The following GRXCR1 variants were observed in gnomAD, a reference collection of about 807,000 sequenced individuals.
GRXCR1 encodes glutaredoxin and cysteine rich domain containing 1.
In GRXCR1, 27 loss-of-function variants were observed where a neutral mutation model predicts 27.3. The observed-to-expected ratio is 0.99, with a 90% CI of 0.73 to 1.37. The LOEUF is 1.37. Ranked by LOEUF, GRXCR1 falls within the 40% of genes most tolerant of loss-of-function variation. GRXCR1 has a pLI of 0.00. For synonymous variants in GRXCR1, 122 were observed against 131.1 expected (o/e 0.93, Z 0.47); for missense variants, 379 against 354.4 (o/e 1.07, Z -0.56).
chr4:42,972,126 A>C (rs773964522), intron 2 of GRXCR1, among the ~76,000 whole-genome samples: 1 of 152,130 alleles, frequency 6.6e-6, no homozygotes, highest in Non-Finnish European at 1.5e-5. Context: ...TGAGCATTTT[A>C]TTTAGCAATG....
chr4:42,918,513 T>A (rs1019533042), intron 1 of GRXCR1, among the ~76,000 whole-genome samples: 1 of 152,114 alleles, frequency 6.6e-6, no homozygotes, highest in African/African-American at 2.4e-5. Flanking sequence ...CTGCTGAACA[T>A]GAGTGCTCCC....
At chr4:42,943,267 T>C (rs1747664663) in intron 1 of GRXCR1, among the ~76,000 whole-genome samples, 1 of 152,146 alleles carries the variant, frequency 6.6e-6, no homozygotes, top group Non-Finnish European at 1.5e-5. Flanking sequence ...TTATTTTGTT[T>C]ATCCTTGAAA....
At chr4:42,946,226 TTA>T (rs1412004583) in intron 1 of GRXCR1, among the ~76,000 whole-genome samples, 2 of 152,160 alleles carry the variant, frequency 1.3e-5, no homozygotes, top group East Asian at 3.9e-4. Flanking sequence ...GTCATCATCG[TTA>T]TGTTAAAAAT....
intron 2 of GRXCR1, among the ~76,000 whole-genome samples, chr4:42,988,855 G>A (rs183707991): frequency 2.0e-5 from 3 of 152,154 alleles, no homozygotes; most frequent in Non-Finnish European, 4.4e-5. Flanking sequence ...ATTATCAGAG[G>A]ATAAGAAGAT....
At chr4:42,973,986 C>T (rs1577927100) in intron 2 of GRXCR1, among the ~76,000 whole-genome samples, 1 of 152,094 alleles carries the variant, frequency 6.6e-6, no homozygotes, top group Admixed American at 6.6e-5. Context: ...GCTATCTGCA[C>T]AACAATGTAC....
chr4:42,905,953 T>A (rs536940985), intron 1 of GRXCR1, among the ~76,000 whole-genome samples: 1 of 152,290 alleles, frequency 6.6e-6, no homozygotes, highest in Admixed American at 6.5e-5. Flanking sequence ...ATATTAATTT[T>A]TCTTGTATGT....
chr4:43,011,654 G>A (rs1035337054), intron 2 of GRXCR1, among the ~76,000 whole-genome samples: 1 of 152,066 alleles, frequency 6.6e-6, no homozygotes, highest in Non-Finnish European at 1.5e-5. Context: ...TTTCTGCTAG[G>A]ATCCTAAAAG....
At chr4:42,995,524 C>A (rs1425282725) in intron 2 of GRXCR1, among the ~76,000 whole-genome samples, 1 of 152,132 alleles carries the variant, frequency 6.6e-6, no homozygotes, top group Non-Finnish European at 1.5e-5. Context: ...GTGTACCAAC[C>A]ACTAGGAGTC....
At chr4:42,978,916 G>A (rs545630832) in intron 2 of GRXCR1, among the ~76,000 whole-genome samples, 8 of 152,058 alleles carry the variant, frequency 5.3e-5, no homozygotes, top group East Asian at 1.9e-4. Context: ...GAGTTCTCAC[G>A]AGATCTGATG....
chr4:43,011,298 A>G (rs1041523676), intron 2 of GRXCR1, among the ~76,000 whole-genome samples: 3 of 152,182 alleles, frequency 2.0e-5, no homozygotes, highest in African/African-American at 7.2e-5. Context: ...TATAGACTGA[A>G]TCACACAAGG....
At chr4:43,010,510 T>C (rs988106609) in intron 2 of GRXCR1, among the ~76,000 whole-genome samples, 1 of 152,116 alleles carries the variant, frequency 6.6e-6, no homozygotes, top group Non-Finnish European at 1.5e-5. Context: ...AATGGGAGGC[T>C]GAGAAATATC....
chr4:42,901,977 G>A (rs760795807), intron 1 of GRXCR1, among the ~76,000 whole-genome samples: 3 of 152,144 alleles, frequency 2.0e-5, no homozygotes, highest in Non-Finnish European at 4.4e-5. Flanking sequence ...ACATTATAAT[G>A]CTGTTTTGTG....
intron 2 of GRXCR1, among the ~76,000 whole-genome samples, chr4:42,987,971 G>T (rs1252322581): frequency 2.0e-5 from 3 of 152,122 alleles, no homozygotes; most frequent in Admixed American, 2.0e-4. Context: ...TCTCCTAAGG[G>T]CAGGAGAATC....
intron 1 of GRXCR1, among the ~76,000 whole-genome samples, chr4:42,936,908 C>T (rs1053565697): frequency 5.9e-5 from 9 of 151,864 alleles, no homozygotes; most frequent in African/African-American, 2.2e-4. Context: ...TGAAGTTAAA[C>T]TTGATCCCTG....
At chr4:42,967,234 T>C (rs370422370) in intron 2 of GRXCR1, among the ~76,000 whole-genome samples, 1 of 152,132 alleles carries the variant, frequency 6.6e-6, no homozygotes, top group Non-Finnish European at 1.5e-5. Context: ...GAATAATGTT[T>C]GTGTCTAGAT....
intron 2 of GRXCR1, among the ~76,000 whole-genome samples, chr4:42,981,148 G>A (rs1748656072): frequency 7.9e-6 from 1 of 126,328 alleles, no homozygotes; most frequent in Admixed American, 7.5e-5. Context: ...ATTTTCTGTA[G>A]TGGTATTTTT....
At chr4:43,012,606 T>C (rs1249128207) in intron 2 of GRXCR1, among the ~76,000 whole-genome samples, 1 of 152,180 alleles carries the variant, frequency 6.6e-6, no homozygotes. Context: ...ATATTATGTG[T>C]CATGCAACGT....
chr4:43,024,197 CTT>C (rs60704333), intron 3 of GRXCR1, among the ~76,000 whole-genome samples: 3 of 94,238 alleles, frequency 3.2e-5, no homozygotes, highest in Non-Finnish European at 3.9e-5. Flanking sequence ...ATTTTCTGTC[CTT>C]TTTTTTTTTT....
intron 2 of GRXCR1, among the ~76,000 whole-genome samples, chr4:43,009,333 A>G (rs564773257): frequency 1.1e-4 from 16 of 152,328 alleles, no homozygotes; most frequent in Non-Finnish European, 2.2e-4. Flanking sequence ...ACTTCTTTTC[A>G]TAAACATTGT....
Sources: gnomAD v4.1 joint callset for allele counts (sites outside exome capture counted in the v4.1 genomes callset) on GRCh38, gnomAD v4.1.1 for gene constraint, MANE v1.5 for transcripts, NCBI Gene and HGNC (gene_info 2026-07-23, HGNC 2026-07-21) for gene names.